The following LRP1B variants were observed in gnomAD, a reference collection of about 807,000 sequenced individuals.
LRP1B encodes low-density lipoprotein receptor-related protein 1B.
A neutral mutation model predicts 556.6 loss-of-function variants in LRP1B; 217 were observed. The observed-to-expected ratio is 0.39, with a 90% CI of 0.35 to 0.44. The LOEUF (loss-of-function observed/expected upper bound fraction) is 0.44, where lower values mean the gene tolerates loss of function less well. Ranked by LOEUF, LRP1B falls within the 20% of genes least tolerant of loss-of-function variation. LRP1B has a pLI of 1.00. For synonymous variants in LRP1B, 2,047 were observed against 1,865.8 expected (o/e 1.10, Z -2.50); for missense variants, 5,053 against 5,620.8 (o/e 0.90, Z 3.23).
chr2:141,663,842 T>C lies in LRP1B; in HGVS notation c.205+146437A>G, dbSNP rs187737088. Among the ~76,000 whole-genome samples, 184 of 146,466 alleles carry C rather than the reference T, an allele frequency of 1.3e-3. 3 individuals carry two copies. The highest frequency in any genetic ancestry group is 9.0e-5 in the Non-Finnish European group (6 of 66,800). On this transcript the variant is annotated intron_variant, in intron 2 of 90. Coordinates refer to ENST00000389484, the MANE Select transcript of LRP1B (RefSeq NM_018557.3). ...ACTCCTCCCTAATTCATTTCATGGG[T>C]AAATAATGAAATTAAGACAGATATC...
intron 2 of LRP1B, among the ~76,000 whole-genome samples, chr2:141,644,143 T>C (rs767773986): frequency 6.6e-6 from 1 of 151,936 alleles, no homozygotes; most frequent in Non-Finnish European, 1.5e-5. Context: ...AATGATAGTT[T>C]TCCTCTCTAT....
At chr2:141,509,065 G>A (rs1684030725) in intron 2 of LRP1B, among the ~76,000 whole-genome samples, 1 of 152,056 alleles carries the variant, frequency 6.6e-6, no homozygotes, top group Non-Finnish European at 1.5e-5. Flanking sequence ...TAATAATCTG[G>A]AATGACTTTG....
intron 1 of LRP1B, among the ~76,000 whole-genome samples, chr2:142,111,422 G>T (rs1706984955): frequency 6.6e-6 from 1 of 152,084 alleles, no homozygotes; most frequent in Admixed American, 6.6e-5. Flanking sequence ...CAGCTCAAGT[G>T]TAGGCTCCTG....
chr2:140,588,409 T>TA (rs1682074473), intron 43 of LRP1B, among the ~76,000 whole-genome samples: 2 of 152,196 alleles, frequency 1.3e-5, no homozygotes, highest in Non-Finnish European at 2.9e-5. Context: ...AAGCAACTGC[T>TA]AAAAAAGTTA....
At chr2:141,409,439 T>C (rs570278988) in intron 3 of LRP1B, among the ~76,000 whole-genome samples, 5 of 152,268 alleles carry the variant, frequency 3.3e-5, no homozygotes, top group South Asian at 2.1e-4. Context: ...TGAGGCAGTG[T>C]ATATAAAGCT....
intron 7 of LRP1B, among the ~76,000 whole-genome samples, chr2:141,156,568 C>T (rs138824547): frequency 0.024 from 3,711 of 151,576 alleles, 159 homozygotes; most frequent in African/African-American, 0.086. Context: ...GTGGGGGTTG[C>T]CGTGAGCCGA....
At chr2:141,563,704 C>G (rs961762665) in intron 2 of LRP1B, among the ~76,000 whole-genome samples, 1 of 152,120 alleles carries the variant, frequency 6.6e-6, no homozygotes, top group Non-Finnish European at 1.5e-5. Context: ...TAAGAAAGAA[C>G]GAGATCATGT....
chr2:140,586,252 T>C (rs1043433929), intron 43 of LRP1B, among the ~76,000 whole-genome samples: 13 of 152,276 alleles, frequency 8.5e-5, no homozygotes, highest in African/African-American at 2.9e-4. Flanking sequence ...TGGAAGTGTG[T>C]TTCCTAAGTG....
At chr2:141,162,578 C>A (rs775122466) in intron 7 of LRP1B, among the ~76,000 whole-genome samples, 45 of 152,012 alleles carry the variant, frequency 3.0e-4, no homozygotes, top group Non-Finnish European at 5.4e-4. Context: ...CTAGGAAACT[C>A]TGGCAGGCAA....
intron 3 of LRP1B, among the ~76,000 whole-genome samples, chr2:141,339,719 T>A (rs1212997390): frequency 6.6e-6 from 1 of 152,222 alleles, no homozygotes; most frequent in Non-Finnish European, 1.5e-5. Flanking sequence ...AAGATTTTCT[T>A]TCAAATAATT....
intron 7 of LRP1B, among the ~76,000 whole-genome samples, chr2:141,155,389 G>T (rs970058600): frequency 2.6e-5 from 4 of 151,652 alleles, no homozygotes; most frequent in Non-Finnish European, 5.9e-5. Flanking sequence ...TAGCTTTATT[G>T]GTAAGTACAT....
intron 7 of LRP1B, among the ~76,000 whole-genome samples, chr2:141,079,279 T>C (rs1699867558): frequency 6.6e-6 from 1 of 152,290 alleles, no homozygotes; most frequent in East Asian, 1.9e-4. Context: ...CAAAACATTT[T>C]CTGTATCTAA....
intron 12 of LRP1B, among the ~76,000 whole-genome samples, chr2:141,018,597 G>A (rs1456904761): frequency 6.6e-6 from 1 of 152,008 alleles, no homozygotes; most frequent in South Asian, 2.1e-4. Context: ...CCACATTTAT[G>A]TCATCTCTTG....
At chr2:141,250,815 G>C (rs1426672468) in intron 4 of LRP1B, among the ~76,000 whole-genome samples, 2 of 152,084 alleles carry the variant, frequency 1.3e-5, no homozygotes, top group Non-Finnish European at 2.9e-5. Flanking sequence ...TAGAGAATTA[G>C]ATAATTTATG....
chr2:140,637,571 C>A (rs929230570), intron 41 of LRP1B, among the ~76,000 whole-genome samples: 2 of 151,996 alleles, frequency 1.3e-5, no homozygotes, highest in East Asian at 1.9e-4. Context: ...TTTTAGAGTT[C>A]AATTTTTTTT....
chr2:141,916,577 T>G (rs1434566916), intron 1 of LRP1B, among the ~76,000 whole-genome samples: 2 of 148,010 alleles, frequency 1.4e-5, no homozygotes, highest in Non-Finnish European at 3.0e-5. Context: ...GGAGATGGGG[T>G]TTCACTGTGT....
intron 7 of LRP1B, among the ~76,000 whole-genome samples, chr2:141,115,452 G>GTTTTTTTTTTT (rs1364204085): frequency 2.3e-4 from 21 of 90,606 alleles, no homozygotes; most frequent in African/African-American, 6.4e-4. Context: ...ATAGGTTTTT[G>GTTTTTTTTTTT]TTTTTGTTTT....
intron 41 of LRP1B, among the ~76,000 whole-genome samples, chr2:140,640,383 C>CTTTTTTCTT (rs1684242692): frequency 1.8e-3 from 85 of 48,514 alleles, no homozygotes; most frequent in Admixed American, 9.1e-3. Flanking sequence ...GTCCTGTTTT[C>CTTTTTTCTT]TTTTTTTTTT....
intron 35 of LRP1B, among the ~76,000 whole-genome samples, chr2:140,760,492 C>T (rs535780869): frequency 6.6e-6 from 1 of 152,336 alleles, no homozygotes; most frequent in Non-Finnish European, 1.5e-5. Flanking sequence ...GGCTACCTTG[C>T]TCCCTAGCTT....
Sources: allele counts gnomAD v4.1 joint callset (sites outside exome capture counted in the v4.1 genomes callset), GRCh38; gene constraint gnomAD v4.1.1; transcripts MANE v1.5; gene names NCBI Gene and HGNC (gene_info 2026-07-23, HGNC 2026-07-21).